Variants in LRRN2 observed in about 807,000 individuals in gnomAD.
LRRN2 encodes leucine-rich repeat neuronal protein 2.
LRRN2 carries 10 observed loss-of-function variants against 35.7 expected under a neutral mutation model. The ratio of observed to expected loss-of-function variants is 0.28; its 90% CI spans 0.17 to 0.47. LRRN2 has a LOEUF of 0.47. LRRN2 is among the 20% of genes least tolerant of loss of function. LRRN2 has a pLI of 0.99. For synonymous variants in LRRN2, 391 were observed against 409.6 expected, an observed-to-expected ratio of 0.95 and a Z score of 0.55; for missense variants, 731 against 940.3, an observed-to-expected ratio of 0.78 and a Z score of 2.91.
In LRRN2 at chr1:204,684,116, G is replaced by T. The variant is rs575559502; in HGVS notation, c.-227+1204C>A. ...AAGGGGGGCACGGAGCCTGCCATCGGCCTGGGTGCATGGGGAGACCTACAT... is the reference window on the plus strand; with the variant it reads ...AAGGGGGGCACGGAGCCTGCCATCGTCCTGGGTGCATGGGGAGACCTACAT... On this transcript the variant is annotated intron_variant, in intron 1 of 1. Transcript: ENST00000367177. Among the ~76,000 whole-genome samples, 10 of 152,316 alleles carry T rather than the reference G, an allele frequency of 6.6e-5. No homozygotes were observed. The East Asian group carries it at 1.9e-3, about 29-fold the overall frequency.
At chr1:204,663,351 G>A (rs887852560) in intron 1 of LRRN2, among the ~76,000 whole-genome samples, 11 of 152,300 alleles carry the variant, frequency 7.2e-5, no homozygotes, top group East Asian at 1.9e-4. Flanking sequence ...TGACTTGGCC[G>A]GAAAGGAGTT....
chr1:204,648,743 C>T (rs1422034783), intron 1 of LRRN2, among the ~76,000 whole-genome samples: 2 of 152,194 alleles, frequency 1.3e-5, no homozygotes, highest in African/African-American at 4.8e-5. Flanking sequence ...TAAGACCCAT[C>T]CCTGCCCTCC....
rs1458393996 is a variant in LRRN2 at position 204,619,215 on chromosome 1, C to T, written c.778G>A (p.Val260Met). The T allele has an allele frequency of 6.2e-7, 1 of 1,613,946 alleles. No individual in the cohort carries two copies. Among genetic ancestry groups the T allele is most frequent in the Non-Finnish European group, 8.5e-7 (1 of 1,180,026 alleles). The change falls in exon 2 of 2, where the codon GTG becomes ATG. Residue 260 changes from valine to methionine, a missense_variant. Physicochemically the swap from Val to Met is conservative, Grantham distance 21. Transcript: ENST00000367177. ...AGGTCTAGGAACTTGAGCCCGGGCA[C>T]CTGTTCCAGTGCCCGCCTGGGCACC... ...ARVPRRALEQVPGLKFLDLNK... is the reference protein window; with the variant it reads ...ARVPRRALEQMPGLKFLDLNK...
intron 1 of LRRN2, among the ~76,000 whole-genome samples, chr1:204,653,678 T>C (rs892456200): frequency 5.3e-5 from 8 of 150,944 alleles, no homozygotes; most frequent in African/African-American, 1.7e-4. Context: ...CTGGGCAACA[T>C]AGTGAGACTC....
At chr1:204,652,260 GCC>G (rs57390819) in intron 1 of LRRN2, among the ~76,000 whole-genome samples, 28 of 60,504 alleles carry the variant, frequency 4.6e-4, no homozygotes, top group South Asian at 1.1e-3. Flanking sequence ...CCTCTTCACC[GCC>G]CCCCCCCCGC....
intron 1 of LRRN2, among the ~76,000 whole-genome samples, chr1:204,642,568 G>A (rs567041200): frequency 6.6e-6 from 1 of 152,180 alleles, no homozygotes; most frequent in East Asian, 1.9e-4. Flanking sequence ...CTTTCAAACA[G>A]TCCCCAATCC....
chr1:204,622,396 C>A (rs1206528512), intron 1 of LRRN2, among the ~76,000 whole-genome samples: 3 of 152,216 alleles, frequency 2.0e-5, no homozygotes, highest in African/African-American at 7.2e-5. Context: ...AGCAGGAACA[C>A]AGCAAGCCTA....
At chr1:204,623,785 C>T (rs2102576811) in intron 1 of LRRN2, among the ~76,000 whole-genome samples, 1 of 152,350 alleles carries the variant, frequency 6.6e-6, no homozygotes, top group East Asian at 1.9e-4. Flanking sequence ...CCATATCTTA[C>T]ATGCTTTTTG....
At chr1:204,685,117 C>A (rs935377180) in intron 1 of LRRN2, among the ~76,000 whole-genome samples, 1 of 152,240 alleles carries the variant, frequency 6.6e-6, no homozygotes, top group African/African-American at 2.4e-5. Context: ...GCAGGCGTCT[C>A]GGCGGAAGGC....
chr1:204,674,382 T>C (rs2102242131), intron 1 of LRRN2, among the ~76,000 whole-genome samples: 1 of 151,414 alleles, frequency 6.6e-6, no homozygotes, highest in East Asian at 2.0e-4. Context: ...CAATAAGTCA[T>C]TAGAAACCAG....
chr1:204,668,752 G>A (rs542541381), intron 1 of LRRN2, among the ~76,000 whole-genome samples: 2 of 152,308 alleles, frequency 1.3e-5, no homozygotes, highest in Admixed American at 6.5e-5. Flanking sequence ...TTCCTCATGG[G>A]TGTGGCTCTA....
chr1:204,637,169 A>G (rs887668741), intron 1 of LRRN2, among the ~76,000 whole-genome samples: 6 of 152,248 alleles, frequency 3.9e-5, no homozygotes, highest in Admixed American at 6.5e-5. Context: ...TATTGGGGGG[A>G]AAATCCCCAA....
At chr1:204,625,474 G>A (rs1209480208) in intron 1 of LRRN2, among the ~76,000 whole-genome samples, 2 of 151,544 alleles carry the variant, frequency 1.3e-5, no homozygotes, top group Admixed American at 6.6e-5. Flanking sequence ...TATTGTTGAG[G>A]TATAACATAT....
rs149964696 is a variant in LRRN2, at chr1:204,617,191, C to G, written c.*660G>C. On this transcript the variant is annotated 3_prime_UTR_variant, in exon 2 of 2. Coordinates refer to ENST00000367177, the MANE Select transcript of LRRN2 (RefSeq NM_201630.2). Reference sequence around the variant, plus strand: ...AGGATTATTTTCCTTTCGTTCCTTTCCCCCGTATTATTGTTATTATTTATT... The same window carrying G: ...AGGATTATTTTCCTTTCGTTCCTTTGCCCCGTATTATTGTTATTATTTATT... 6.6e-6 allele frequency: 1 copy of G among 152,462 alleles called. No individual in the cohort carries two copies. Among genetic ancestry groups the G allele is most frequent in the Non-Finnish European group, 1.5e-5 (1 of 68,260 alleles). The allele number at this position is 152,462 out of a possible 1,614,324, so 9.4% of individuals were successfully genotyped here. A position where few individuals can be genotyped will look rare whatever the true frequency, so the allele number is the denominator to read the frequency against.
At chr1:204,647,362 G>T (rs976721915) in intron 1 of LRRN2, among the ~76,000 whole-genome samples, 1 of 152,178 alleles carries the variant, frequency 6.6e-6, no homozygotes, top group Non-Finnish European at 1.5e-5. Flanking sequence ...TACCATCAGA[G>T]TGACTGATGA....
At chr1:204,667,757 A>G (rs1233107988) in intron 1 of LRRN2, among the ~76,000 whole-genome samples, 1 of 152,118 alleles carries the variant, frequency 6.6e-6, no homozygotes, top group African/African-American at 2.4e-5. Flanking sequence ...GAGACTATGA[A>G]GGGCACCCAG....
intron 1 of LRRN2, among the ~76,000 whole-genome samples, chr1:204,661,481 A>T (rs931155952): frequency 3.3e-5 from 5 of 152,250 alleles, no homozygotes; most frequent in Non-Finnish European, 5.9e-5. Flanking sequence ...TCCTGTACAT[A>T]AGAATCCTGT....
chr1:204,666,962 CAA>C (rs34503593), intron 1 of LRRN2, among the ~76,000 whole-genome samples: 1,510 of 64,798 alleles, frequency 0.023, 13 homozygotes, highest in African/African-American at 0.091. Context: ...ACTCTGTCTC[CAA>C]AAAAAAAAAA....
At chr1:204,640,998 T>TAAAA (rs1343407932) in intron 1 of LRRN2, among the ~76,000 whole-genome samples, 1 of 94,114 alleles carries the variant, frequency 1.1e-5, no homozygotes. Flanking sequence ...TTACCAGGGT[T>TAAAA]AAAAAAGAAA....
Sources: gnomAD v4.1 joint callset for allele counts (sites outside exome capture counted in the v4.1 genomes callset) on GRCh38, gnomAD v4.1.1 for gene constraint, MANE v1.5 for transcripts, NCBI Gene and HGNC (gene_info 2026-07-23, HGNC 2026-07-21) for gene names.